The following SYNE1 variants were observed in gnomAD, a reference collection of about 807,000 sequenced individuals.
The protein encoded by SYNE1 is nesprin-1.
SYNE1 carries 616 observed loss-of-function variants against 1,111.0 expected under a neutral mutation model. That is an observed-to-expected ratio of 0.55 (90% CI 0.52 to 0.59). SYNE1 has a LOEUF of 0.59. SYNE1 is among the 20% of genes least tolerant of loss of function. The pLI is 0.00. For missense variants in SYNE1, 10,006 were observed against 10,417.0 expected (o/e 0.96, Z 1.72); for synonymous variants, 3,855 against 3,825.8 (o/e 1.01, Z -0.28).
At chr6:152,388,606 A>G (rs369223762) in intron 53 of SYNE1, among the ~76,000 whole-genome samples, 7 of 152,266 alleles carry the variant, frequency 4.6e-5, no homozygotes, top group African/African-American at 1.7e-4. Context: ...ATTCTTCTAC[A>G]ACTCCACAAT....
chr6:152,566,993 G>C (rs1285632691), intron 3 of SYNE1, among the ~76,000 whole-genome samples: 6 of 82,570 alleles, frequency 7.3e-5, no homozygotes, highest in East Asian at 4.6e-4. Flanking sequence ...TACTGTGTGT[G>C]TGTGTGTGTG....
At chr6:152,198,258 TTTC>T (rs1474740595) in intron 127 of SYNE1, among the ~76,000 whole-genome samples, 1 of 152,220 alleles carries the variant, frequency 6.6e-6, no homozygotes, top group Non-Finnish European at 1.5e-5. Flanking sequence ...GCTTCCATCT[TTTC>T]TTCTGCAGTT....
intron 3 of SYNE1, among the ~76,000 whole-genome samples, chr6:152,552,857 G>A (rs1050523999): frequency 6.6e-6 from 1 of 152,068 alleles, no homozygotes; most frequent in Non-Finnish European, 1.5e-5. Context: ...AGATCTACTG[G>A]ACTCCAGAAC....
chr6:152,373,283 T>G, intron 58 of SYNE1, 64 bp from the exon 59 acceptor site: 2 of 1,474,834 alleles, frequency 1.4e-6, no homozygotes, highest in Non-Finnish European at 1.8e-6. Flanking sequence ...ATTTTTTCTT[T>G]TCTTTTTTTT....
Position 152,330,254 on chromosome 6 carries a change from C to T in SYNE1, c.14431G>A (p.Ala4811Thr). 4 of 1,614,184 alleles carry T rather than the reference C, an allele frequency of 2.5e-6. No homozygotes were observed. The highest frequency in any genetic ancestry group is 3.4e-6 in the Non-Finnish European group (4 of 1,180,036). Residue 4811 changes from alanine to threonine, a missense_variant, in exon 78 of 146, where the codon GCA becomes ACA. Transcript: ENST00000367255. ...TGATACATTTTGAGCTTCTCCTCTG[C>T]AGGCAGCGTTTCCTCATTCACTTTG... is the stretch of plus-strand genomic sequence containing the variant. Reference protein sequence around the residue: ...QSKVNEETLPAEEKLKMYHSL... With the variant: ...QSKVNEETLPTEEKLKMYHSL...
intron 138 of SYNE1, 126 bp from the exon 139 acceptor site, chr6:152,141,455 T>C: frequency 1.5e-6 from 2 of 1,332,496 alleles, no homozygotes; most frequent in South Asian, 2.4e-5. Context: ...TGTGCCACCC[T>C]GCTAAAAATA....
intron 105 of SYNE1, among the ~76,000 whole-genome samples, chr6:152,247,272 G>T (rs2087464336): frequency 6.6e-6 from 1 of 152,072 alleles, no homozygotes. Flanking sequence ...AATCCAAGTT[G>T]GGTAGGCATG....
rs549079664 is a variant in SYNE1, at chr6:152,525,959, C to G, written c.225+121G>C. The G allele has an allele frequency of 5.4e-4, 468 of 874,390 alleles. 8 individuals carry two copies. In the South Asian group the frequency reaches 6.3e-3, roughly 12 times the overall value. The allele number at this position is 874,390 out of a possible 1,614,324, so 54.2% of individuals were successfully genotyped here. On this transcript the variant is annotated intron_variant, in intron 5 of 145. Coordinates refer to ENST00000367255, the MANE Select transcript of SYNE1 (RefSeq NM_182961.4). ...TGCCAGCAGTGTTTCCAGTATACTACCAACCACGACAAATAACTTTCTTTT... is the reference window on the plus strand; with the variant it reads ...TGCCAGCAGTGTTTCCAGTATACTAGCAACCACGACAAATAACTTTCTTTT...
At chr6:152,618,685 A>G (rs1451725486) in intron 3 of SYNE1, among the ~76,000 whole-genome samples, 1 of 152,254 alleles carries the variant, frequency 6.6e-6, no homozygotes, top group African/African-American at 2.4e-5. Context: ...AAAAAAGAAC[A>G]TAAGTTACCA....
At chr6:152,285,497 A>G (rs1260835006) in intron 95 of SYNE1, among the ~76,000 whole-genome samples, 2 of 152,044 alleles carry the variant, frequency 1.3e-5, no homozygotes, top group Non-Finnish European at 2.9e-5. Flanking sequence ...AAATAAATCA[A>G]ACTTGTTACT....
At chr6:152,299,148 G>A (rs1252330463) in intron 93 of SYNE1, among the ~76,000 whole-genome samples, 5 of 152,120 alleles carry the variant, frequency 3.3e-5, no homozygotes, top group African/African-American at 9.7e-5. Flanking sequence ...GAAGTAGCAT[G>A]GAGATTTACA....
At chr6:152,134,712 A>G (rs1189494411) in intron 142 of SYNE1, 2 of 218,298 alleles carry the variant, frequency 9.2e-6, no homozygotes, top group South Asian at 1.4e-4. Context: ...CAAACAAAAG[A>G]CTTAATTGTC....
chr6:152,371,927 G>T lies in SYNE1; in HGVS notation c.9507+1110C>A, dbSNP rs1320278086. Among the ~76,000 whole-genome samples the T allele has an allele frequency of 6.1e-5, 4 of 65,736 alleles. 1 individual carries two copies. The highest frequency in any genetic ancestry group is 2.1e-4 in the African/African-American group (4 of 19,278). The allele number at this position is 65,736 out of a possible 152,430, so 43.1% of individuals were successfully genotyped here. On this transcript the variant is annotated intron_variant, in intron 59 of 145. Transcript: ENST00000367255. ...GGAAAGGAAAGGAAAGGAAAGGACAGGACAGGACAGGAAAGGAAAGGAAAG... is the reference window on the plus strand; with the variant it reads ...GGAAAGGAAAGGAAAGGAAAGGACATGACAGGACAGGAAAGGAAAGGAAAG...
intron 2 of SYNE1, among the ~76,000 whole-genome samples, chr6:152,630,860 T>C (rs2099696711): frequency 6.6e-6 from 1 of 152,218 alleles, no homozygotes; most frequent in Admixed American, 6.5e-5. Context: ...CTAATTCACA[T>C]TCACATAGCT....
Position 152,239,269 on chromosome 6 carries a change from C to T in SYNE1, c.20067+264G>A, listed in dbSNP as rs147888504. ...TAAGCTATCAGTCTGAATATCAAAA[C>T]CCCAAATATCTTCATGCATAGTCTG... On this transcript the variant is annotated intron_variant, in intron 108 of 145. Transcript: ENST00000367255. Among the ~76,000 whole-genome samples, 60 of 152,158 alleles carry T rather than the reference C, an allele frequency of 3.9e-4. No individual in the cohort carries two copies. In the South Asian group the frequency reaches 6.2e-3, roughly 16 times the overall value.
chr6:152,536,424 T>A lies in SYNE1; in HGVS notation c.129+3536A>T, dbSNP rs1311754453. Among the ~76,000 whole-genome samples the A allele has an allele frequency of 2.9e-5, 4 of 137,288 alleles. No homozygotes were observed. In the East Asian group the frequency reaches 8.1e-4, roughly 28 times the overall value. The allele number at this position is 137,288 out of a possible 152,430, so 90.1% of individuals were successfully genotyped here. ...TACTATATATAGTAATATATATATT[T>A]ATATATATAACTATATATAGTAATA... On this transcript the variant is annotated intron_variant, in intron 4 of 145. Transcript: ENST00000367255.
At chr6:152,183,742 T>C (rs1376838538) in intron 128 of SYNE1, among the ~76,000 whole-genome samples, 2 of 152,140 alleles carry the variant, frequency 1.3e-5, no homozygotes, top group Non-Finnish European at 2.9e-5. Flanking sequence ...GGTCCCAAAA[T>C]AGAAAAATAT....
At chr6:152,280,767 T>C (rs1056572092) in intron 97 of SYNE1, among the ~76,000 whole-genome samples, 2 of 152,116 alleles carry the variant, frequency 1.3e-5, no homozygotes, top group South Asian at 4.1e-4. Context: ...AAATAAACAT[T>C]AGAAAGAAGA....
chr6:152,235,995 G>A, intron 110 of SYNE1, 112 bp downstream of exon 110: 3 of 1,213,218 alleles, frequency 2.5e-6, no homozygotes, highest in Non-Finnish European at 2.4e-6. Context: ...CTCCCGTATT[G>A]GCCACCCAAG....
Sources: allele counts gnomAD v4.1 joint callset (sites outside exome capture counted in the v4.1 genomes callset), GRCh38; gene constraint gnomAD v4.1.1; transcripts MANE v1.5; gene names NCBI Gene and HGNC (gene_info 2026-07-23, HGNC 2026-07-21).